The following ARHGAP5 variants were observed in gnomAD, a reference collection of about 807,000 sequenced individuals.
ARHGAP5 encodes rho GTPase-activating protein 5.
A neutral mutation model predicts 116.6 loss-of-function variants in ARHGAP5; 23 were observed. That is an observed-to-expected ratio of 0.20 (90% CI 0.14 to 0.28). ARHGAP5 has a LOEUF of 0.28. Ranked by LOEUF, ARHGAP5 falls within the 10% of genes least tolerant of loss-of-function variation. The probability of loss-of-function intolerance (pLI) is 1.00; values close to 1 mark genes in which losing one functional copy is unlikely to be tolerated. For missense variants in ARHGAP5, 1,405 were observed against 1,774.8 expected (o/e 0.79, Z 3.74); for synonymous variants, 574 against 602.0 (o/e 0.95, Z 0.68).
At chr14:32,097,701 A>G (rs1244451743) in intron 2 of ARHGAP5, among the ~76,000 whole-genome samples, 1 of 152,186 alleles carries the variant, frequency 6.6e-6, no homozygotes, top group African/African-American at 2.4e-5. Context: ...AATGAGTATC[A>G]ATGTAAAGGC....
rs188578201 is a variant in ARHGAP5 at position 32,146,300 on chromosome 14, T to C, written c.3903T>C (p.Asn1301=). ...CTEGLYRVSG[N]KTDQDNIQKQ... ...AAGGACTCTACCGTGTCAGCGGGAA[T>C]AAAACTGACCAAGACAATATTCAAA... The change falls in exon 4 of 7, where the codon AAT becomes AAC. Residue 1301 remains asparagine, a synonymous_variant. Transcript: ENST00000345122. 22 of 1,613,498 alleles carry C rather than the reference T, an allele frequency of 1.4e-5. No individual in the cohort carries two copies. In the East Asian group the frequency reaches 4.7e-4, roughly 34 times the overall value.
At chr14:32,154,421 T>C (rs1441409368) in intron 6 of ARHGAP5, 200 bp from the exon 7 acceptor site, 1 of 526,842 alleles carries the variant, frequency 1.9e-6, no homozygotes, top group Non-Finnish European at 3.4e-6. Flanking sequence ...AGTGCTGCGA[T>C]TACAGGCGTG....
chr14:32,099,265 G>A (rs1289891632), intron 2 of ARHGAP5, among the ~76,000 whole-genome samples: 1 of 152,132 alleles, frequency 6.6e-6, no homozygotes, highest in Non-Finnish European at 1.5e-5. Context: ...TATAACTTTG[G>A]TTTTATAGTT....
In ARHGAP5 at chr14:32,090,723, T is replaced by C; in HGVS notation, c.54T>C (p.Val18=). The change falls in exon 2 of 7, where the codon GTT becomes GTC. Residue 18 remains valine (V), a synonymous_variant. Transcript: ENST00000345122. ...PRPPSYTISI[V]GLSGTEKDKG... ...CCCCATCCTATACCATCAGTATAGT[T>C]GGACTCTCTGGGACTGAAAAAGACA... 1 of 1,613,460 alleles carries C rather than the reference T, an allele frequency of 6.2e-7. No individual in the cohort carries two copies. The highest frequency in any genetic ancestry group is 8.5e-7 in the Non-Finnish European group (1 of 1,179,552).
At chr14:32,117,701 G>C (rs945915560) in intron 3 of ARHGAP5, among the ~76,000 whole-genome samples, 9 of 152,146 alleles carry the variant, frequency 5.9e-5, no homozygotes, top group African/African-American at 2.2e-4. Context: ...AGCAATAGTT[G>C]TAAATGCGTA....
In ARHGAP5 at chr14:32,091,982, T is replaced by C. The variant is rs1448131195; in HGVS notation, c.1313T>C (p.Leu438Ser). The C allele has an allele frequency of 1.2e-6, 2 of 1,613,582 alleles. No homozygotes were observed. Among genetic ancestry groups the C allele is most frequent in the African/African-American group, 2.7e-5 (2 of 74,880 alleles). ...ATGAAGGAAAAATTCAAAAAGACTTTGGAAAAAATTCAATTCATTTCACCA... is the reference window on the plus strand; with the variant it reads ...ATGAAGGAAAAATTCAAAAAGACTTCGGAAAAAATTCAATTCATTTCACCA... ...VEMKEKFKKT[L>S]EKIQFISPGQ... Residue 438 changes from leucine (L) to serine (S), a missense_variant, in exon 2 of 7, where the codon TTG becomes TCG. Transcript: ENST00000345122.
chr14:32,079,690 C>T (rs1415940554), intron 1 of ARHGAP5, among the ~76,000 whole-genome samples: 1 of 152,122 alleles, frequency 6.6e-6, no homozygotes, highest in Non-Finnish European at 1.5e-5. Context: ...ACTTTACCAA[C>T]ATTGGCAGGA....
chr14:32,139,714 T>G (rs1475256891), intron 3 of ARHGAP5, among the ~76,000 whole-genome samples: 2 of 151,486 alleles, frequency 1.3e-5, no homozygotes, highest in African/African-American at 4.8e-5. Context: ...TCTATATTAA[T>G]TTTTATTATT....
At position 32,144,257 on chromosome 14, in the gene ARHGAP5, G is replaced by C. The variant is rs189444993; in HGVS notation, c.3866-2006G>C. Among the ~76,000 whole-genome samples, 53 of 152,150 alleles carry C rather than the reference G, an allele frequency of 3.5e-4. No homozygotes were observed. The East Asian group carries it at 9.4e-3, about 27-fold the overall frequency. On this transcript the variant is annotated intron_variant, in intron 3 of 6. Transcript: ENST00000345122. ...ATACATTCACAAAGTCAGGATAAAT[G>C]TTATCTAGAGAACAATGAAGTATAG...
chr14:32,140,746 G>A (rs971833099), intron 3 of ARHGAP5, among the ~76,000 whole-genome samples: 3 of 151,994 alleles, frequency 2.0e-5, no homozygotes, highest in Admixed American at 6.6e-5. Context: ...CCTAACATAC[G>A]GTGTTTCCTC....
intron 3 of ARHGAP5, among the ~76,000 whole-genome samples, chr14:32,141,921 C>G (rs1409141143): frequency 6.6e-6 from 1 of 151,998 alleles, no homozygotes; most frequent in Non-Finnish European, 1.5e-5. Context: ...TTGCTTCTTT[C>G]TTGTTTTTTC....
At chr14:32,122,272 T>C (rs1879926132) in intron 3 of ARHGAP5, among the ~76,000 whole-genome samples, 1 of 152,224 alleles carries the variant, frequency 6.6e-6, no homozygotes. Context: ...TGACTAATGA[T>C]GCCGAACATC....
In ARHGAP5 at chr14:32,092,786, C is replaced by A. The variant is rs780293390; in HGVS notation, c.2117C>A (p.Ser706Tyr). ...FTLILANQRDSISKNLPILRH... is the reference protein window; with the variant it reads ...FTLILANQRDYISKNLPILRH... Reference sequence around the variant, plus strand: ...TTAATTCTGGCTAATCAGAGAGATTCCATTAGTAAGAATCTACCAATTCTC... The same window carrying A: ...TTAATTCTGGCTAATCAGAGAGATTACATTAGTAAGAATCTACCAATTCTC... Residue 706 changes from serine (S) to tyrosine (Y), a missense_variant, in exon 2 of 7, where the codon TCC (serine) becomes TAC (tyrosine). Ser to Tyr is a moderately radical substitution (Grantham distance 144). This residue lies in a region of ARHGAP5 where 944 missense variants were observed against 1,095.3 expected (regional missense o/e 0.86). Coordinates refer to ENST00000345122, the MANE Select transcript of ARHGAP5 (RefSeq NM_001030055.2). The surrounding 1 kb of genome is among the most constrained non-coding windows in gnomAD (Gnocchi z 4.1). 16 of 1,613,808 alleles carry A rather than the reference C, an allele frequency of 9.9e-6. No homozygotes were observed. The highest frequency in any genetic ancestry group is 1.3e-5 in the African/African-American group (1 of 74,882).
intron 2 of ARHGAP5, among the ~76,000 whole-genome samples, chr14:32,095,325 T>C (rs954469545): frequency 6.6e-6 from 1 of 152,204 alleles, no homozygotes; most frequent in African/African-American, 2.4e-5. Context: ...AGAATCTGCT[T>C]TATTTTCTAA....
intron 3 of ARHGAP5, among the ~76,000 whole-genome samples, chr14:32,142,577 G>T (rs1480586646): frequency 6.6e-6 from 1 of 152,166 alleles, no homozygotes; most frequent in Non-Finnish European, 1.5e-5. Context: ...AGTCTTGTGG[G>T]TGAAACAAAG....
intron 2 of ARHGAP5, among the ~76,000 whole-genome samples, chr14:32,097,110 G>A (rs1278531520): frequency 1.3e-5 from 2 of 152,190 alleles, no homozygotes. Flanking sequence ...AATACTGGAT[G>A]CTGACACTCA....
At chr14:32,098,847 A>G (rs771671528) in intron 2 of ARHGAP5, among the ~76,000 whole-genome samples, 1 of 152,208 alleles carries the variant, frequency 6.6e-6, no homozygotes, top group Non-Finnish European at 1.5e-5. Flanking sequence ...CTAGTTACCA[A>G]TGTTAGAGAT....
intron 2 of ARHGAP5, among the ~76,000 whole-genome samples, chr14:32,116,264 G>A (rs1026647076): frequency 3.3e-5 from 5 of 150,662 alleles, no homozygotes; most frequent in Admixed American, 6.6e-5. Flanking sequence ...ACTCCAGCCT[G>A]GGTGAGAGAG....
At chr14:32,125,283 C>T (rs1195606391) in intron 3 of ARHGAP5, among the ~76,000 whole-genome samples, 2 of 152,146 alleles carry the variant, frequency 1.3e-5, no homozygotes, top group Non-Finnish European at 2.9e-5. Flanking sequence ...TTTTCTTCTG[C>T]TTCTTAGCAT....
Sources: allele counts gnomAD v4.1 joint callset (sites outside exome capture counted in the v4.1 genomes callset), GRCh38; gene constraint gnomAD v4.1.1; regional missense constraint gnomAD v4.1.1; non-coding constraint Gnocchi (gnomAD v3.1); transcripts MANE v1.5; gene names NCBI Gene and HGNC (gene_info 2026-07-23, HGNC 2026-07-21).